The following BOC variants were observed in gnomAD, a reference collection of about 807,000 sequenced individuals.
BOC encodes BOC cell adhesion associated, oncogene regulated, also known as brother of CDO.
Under a neutral mutation model 112.0 loss-of-function variants are expected in BOC, and 76 were observed. That is an observed-to-expected ratio of 0.68 (90% confidence interval 0.56 to 0.82). BOC has a LOEUF of 0.82. Ranked by LOEUF, BOC falls within the 40% of genes least tolerant of loss-of-function variation. BOC has a pLI of 0.00. For synonymous variants in BOC, 580 were observed against 599.8 expected (o/e 0.97, Z 0.48); for missense variants, 1,309 against 1,511.7 (o/e 0.87, Z 2.22).
intron 9 of BOC, 118 bp from the exon 10 acceptor site, chr3:113,277,977 C>T: frequency 6.7e-6 from 9 of 1,345,310 alleles, no homozygotes; most frequent in South Asian, 1.3e-5. Context: ...CCCAACCTGG[C>T]TTATCGTCCT....
chr3:113,243,622 T>C (rs1031545476), intron 2 of BOC, among the ~76,000 whole-genome samples: 1 of 152,188 alleles, frequency 6.6e-6, no homozygotes, highest in African/African-American at 2.4e-5. Context: ...TGGAGACCAC[T>C]GTTACAGATA....
intron 2 of BOC, among the ~76,000 whole-genome samples, chr3:113,221,706 C>A (rs71319362): frequency 0.076 from 11,611 of 152,310 alleles, 593 homozygotes; most frequent in Middle Eastern, 0.18. Flanking sequence ...CTGCTTCCAC[C>A]CATTCTTCAT....
chr3:113,271,627 C>A (rs1208682736), intron 6 of BOC: 1 of 176,506 alleles, frequency 5.7e-6, no homozygotes, highest in African/African-American at 2.4e-5. Context: ...TTGTATGTAT[C>A]ATTTTCCATT....
chr3:113,279,683 G>A (rs3995908), intron 12 of BOC, 141 bp from the exon 13 acceptor site: 19,598 of 907,890 alleles, frequency 0.022, 271 homozygotes, highest in Middle Eastern at 0.063. Flanking sequence ...ACAGTGGCGG[G>A]TGTTCTTGTG....
At chr3:113,279,771 G>A (rs529480861) in intron 12 of BOC, 53 bp from the exon 13 acceptor site, 9 of 1,531,050 alleles carry the variant, frequency 5.9e-6, no homozygotes, top group Non-Finnish European at 7.1e-6. Context: ...GGCCATGGGA[G>A]AATCAGAAGG....
rs1362663953 is a variant in BOC, at chr3:113,236,258, GTGTGTGTGTA to G, written c.-81-13462_-81-13453del. ...TGTGTGTGTGTGTGTGTGTGTGTGT[GTGTGTGTGTA>G]TATATACCCATGGGTATATATATAT... On this transcript the variant is annotated intron_variant, in intron 2 of 19. Coordinates refer to ENST00000682979, the MANE Select transcript of BOC (RefSeq NM_001378074.1). Among the ~76,000 whole-genome samples, 14 of 31,904 alleles carry G rather than the reference GTGTGTGTGTA, an allele frequency of 4.4e-4. 1 individual carries two copies. The highest frequency in any genetic ancestry group is 1.4e-3 in the African/African-American group (13 of 9,396). 20.9% of individuals were successfully genotyped at this position (31,904 alleles called of 152,430 possible).
chr3:113,260,857 T>C (rs934286206), intron 4 of BOC, among the ~76,000 whole-genome samples: 1 of 152,042 alleles, frequency 6.6e-6, no homozygotes, highest in Non-Finnish European at 1.5e-5. Context: ...TATGAGAATC[T>C]AACTAATGTC....
intron 4 of BOC, among the ~76,000 whole-genome samples, chr3:113,262,369 A>G (rs1363380909): frequency 6.6e-6 from 1 of 152,098 alleles, no homozygotes; most frequent in Non-Finnish European, 1.5e-5. Flanking sequence ...TGTGGTTAGG[A>G]GCTATGTCTT....
At chr3:113,238,054 T>C (rs1038391434) in intron 2 of BOC, among the ~76,000 whole-genome samples, 1 of 152,138 alleles carries the variant, frequency 6.6e-6, no homozygotes, top group African/African-American at 2.4e-5. Flanking sequence ...AGAAATGTTA[T>C]ATAAGGTGTG....
intron 4 of BOC, among the ~76,000 whole-genome samples, 173 bp from the exon 5 acceptor site, chr3:113,268,126 C>G (rs566123278): frequency 2.7e-4 from 41 of 152,318 alleles, no homozygotes; most frequent in African/African-American, 9.9e-4. Context: ...GCCCCACATT[C>G]TTACAAACTC....
At chr3:113,277,447 T>C (rs1414854812) in intron 9 of BOC, among the ~76,000 whole-genome samples, 6 of 152,234 alleles carry the variant, frequency 3.9e-5, no homozygotes, top group Admixed American at 2.0e-4. Flanking sequence ...ATGATGGGCA[T>C]GCTCTTTGGA....
chr3:113,274,790 C>G lies in BOC; in HGVS notation c.1542+108C>G. 8.8e-7 allele frequency: 1 copy of G among 1,142,786 alleles called. No individual in the cohort carries two copies. The highest frequency in any genetic ancestry group is 1.2e-6 in the Non-Finnish European group (1 of 820,980). 70.8% of individuals were successfully genotyped at this position (1,142,786 alleles called of 1,614,324 possible). On this transcript the variant is annotated intron_variant, in intron 9 of 19. Coordinates refer to ENST00000682979, the MANE Select transcript of BOC (RefSeq NM_001378074.1). This position sits in a 1 kb window ranked among gnomAD's most constrained non-coding sequence, Gnocchi z 4.8. ...TCCCCTTGAGCTCCTGAAGCCTGAG[C>G]CGGTAATCCCCACCACTAAACAGGC...
chr3:113,285,442 C>T lies in BOC; in HGVS notation c.3037C>T (p.Leu1013=), dbSNP rs927420310. 5.0e-6 allele frequency: 8 copies of T among 1,613,936 alleles called. No individual in the cohort carries two copies. The highest frequency in any genetic ancestry group is 1.3e-5 in the African/African-American group (1 of 74,944). The change falls in exon 19 of 20, where the codon CTG becomes TTG. Residue 1013 remains leucine, a synonymous_variant. Coordinates refer to ENST00000682979, the MANE Select transcript of BOC (RefSeq NM_001378074.1). ...TLPDDSTHQL[L]QPHHDCCQRQ... ...GCCCGACGACTCCACTCACCAGCTG[C>T]TGCAGCCCCATCACGACTGCTGCCA...
In BOC at chr3:113,216,279, G is replaced by A. The variant is rs1939346086; in HGVS notation, c.-82+5G>A. The stretch of plus-strand genomic sequence containing the variant: ...AGCAGCTCGAAAGTAGAAGAAGTGG[G>A]TGAGGTTTTCTCTTCAGTCTGATAG... On this transcript the variant is annotated splice_donor_5th_base_variant and intron_variant, in intron 2 of 19. Coordinates refer to ENST00000682979, the MANE Select transcript of BOC (RefSeq NM_001378074.1). 1 of 456,526 alleles carries A rather than the reference G, an allele frequency of 2.2e-6. No individual in the cohort carries two copies. Among genetic ancestry groups the A allele is most frequent in the Non-Finnish European group, 4.4e-6 (1 of 226,944 alleles). The allele number at this position is 456,526 out of a possible 1,614,324, so 28.3% of individuals were successfully genotyped here.
At chr3:113,268,871 C>T (rs770893144) in intron 5 of BOC, among the ~76,000 whole-genome samples, 1 of 152,228 alleles carries the variant, frequency 6.6e-6, no homozygotes, top group Non-Finnish European at 1.5e-5. Context: ...GCTGAAATTA[C>T]AGGCTTGAGC....
chr3:113,277,800 G>A (rs958788932), intron 9 of BOC, among the ~76,000 whole-genome samples: 5 of 152,204 alleles, frequency 3.3e-5, no homozygotes, highest in East Asian at 1.9e-4. Context: ...GGGAGAGAAG[G>A]TCTTTGGAGG....
chr3:113,285,647 C>A, intron 19 of BOC, 82 bp downstream of exon 19: 2 of 1,332,972 alleles, frequency 1.5e-6, no homozygotes, highest in Non-Finnish European at 2.0e-6. Context: ...TAGTAACAGT[C>A]TTCAAAGGTG....
At chr3:113,266,782 A>G (rs1192599646) in intron 4 of BOC, among the ~76,000 whole-genome samples, 5 of 152,232 alleles carry the variant, frequency 3.3e-5, no homozygotes. Context: ...TAATATTGTA[A>G]TCAAAGGGAC....
intron 4 of BOC, among the ~76,000 whole-genome samples, chr3:113,266,533 A>G (rs1470455965): frequency 6.6e-6 from 1 of 152,238 alleles, no homozygotes; most frequent in Non-Finnish European, 1.5e-5. Flanking sequence ...TTCAAAATGT[A>G]GACCAACTTC....
Sources: gnomAD v4.1 joint callset for allele counts (sites outside exome capture counted in the v4.1 genomes callset) on GRCh38, gnomAD v4.1.1 for gene constraint, Gnocchi (gnomAD v3.1) non-coding constraint, MANE v1.5 for transcripts, NCBI Gene and HGNC (gene_info 2026-07-23, HGNC 2026-07-21) for gene names.